SLC45A2: variants seen among roughly 807,000 people sequenced by gnomAD.
SLC45A2 encodes membrane-associated transporter protein.
SLC45A2 carries 36 observed loss-of-function variants against 45.5 expected under a neutral mutation model. The ratio of observed to expected loss-of-function variants is 0.79; its 90% CI spans 0.61 to 1.04. The LOEUF (loss-of-function observed/expected upper bound fraction) is 1.04, where lower values mean the gene tolerates loss of function less well. Ranked by LOEUF, SLC45A2 falls within the 50% of genes least tolerant of loss-of-function variation. SLC45A2 has a pLI of 0.00. For missense variants in SLC45A2, 719 were observed against 671.0 expected (o/e 1.07, Z -0.79); for synonymous variants, 306 against 269.3 (o/e 1.14, Z -1.33).
At chr5:33,971,609 T>G (rs1752778714) in intron 2 of SLC45A2, among the ~76,000 whole-genome samples, 2 of 152,104 alleles carry the variant, frequency 1.3e-5, no homozygotes. Flanking sequence ...CAACTAATTT[T>G]TAATTAGTTA....
intron 2 of SLC45A2, among the ~76,000 whole-genome samples, chr5:33,976,866 A>G (rs1752941683): frequency 6.6e-6 from 1 of 152,224 alleles, no homozygotes; most frequent in African/African-American, 2.4e-5. Context: ...TGCTCCATCC[A>G]CATCCCATCC....
chr5:33,975,518 C>T lies in SLC45A2; in HGVS notation c.562+6718G>A, dbSNP rs532864898. The stretch of plus-strand genomic sequence containing the variant: ...TATATCACTCCAAAATATAATTATC[C>T]TTTAATTATTTACTCATATATGGGA... On this transcript the variant is annotated intron_variant, in intron 2 of 6. Transcript: ENST00000296589. Among the ~76,000 whole-genome samples, 11 of 152,210 alleles carry T rather than the reference C, an allele frequency of 7.2e-5. No individual in the cohort carries two copies. The East Asian group carries it at 9.6e-4, about 13-fold the overall frequency.
intron 6 of SLC45A2, among the ~76,000 whole-genome samples, chr5:33,945,403 A>G (rs1362754404): frequency 6.6e-6 from 1 of 152,242 alleles, no homozygotes; most frequent in Non-Finnish European, 1.5e-5. Context: ...AAGAGAAGCA[A>G]CTTTAAAAAG....
chr5:33,955,676 C>T lies in SLC45A2; in HGVS notation c.889-1172G>A, dbSNP rs75499835. 0.01 allele frequency among the ~76,000 whole-genome samples: 1,569 copies of T among 152,100 alleles called. 107 individuals carry two copies. In the East Asian group the frequency reaches 0.18, roughly 17 times the overall value. On this transcript the variant is annotated intron_variant, in intron 3 of 6. Transcript: ENST00000296589. ...ACACACAAACACACACACACACACA[C>T]GGTCTTCAATATGTTAATGGAAAAT...
chr5:33,950,282 A>T (rs1428027842), intron 5 of SLC45A2, among the ~76,000 whole-genome samples: 1 of 152,196 alleles, frequency 6.6e-6, no homozygotes, highest in Non-Finnish European at 1.5e-5. Flanking sequence ...TGGATAATTT[A>T]CTAGACCCTT....
rs556878599 is a variant in SLC45A2, at chr5:33,980,490, T to G, written c.562+1746A>C. Reference sequence around the variant, plus strand: ...AAATGGGAATCACACCACTTCCACATGGCCATTGTCAGGATCGAGATAATG... The same window carrying G: ...AAATGGGAATCACACCACTTCCACAGGGCCATTGTCAGGATCGAGATAATG... On this transcript the variant is annotated intron_variant, in intron 2 of 6. Coordinates refer to ENST00000296589, the MANE Select transcript of SLC45A2 (RefSeq NM_016180.5). Among the ~76,000 whole-genome samples the G allele has an allele frequency of 5.3e-5, 8 of 152,324 alleles. No individual in the cohort carries two copies. The South Asian group carries it at 1.7e-3, about 32-fold the overall frequency.
At chr5:33,956,427 C>T (rs1459266719) in intron 3 of SLC45A2, among the ~76,000 whole-genome samples, 1 of 148,302 alleles carries the variant, frequency 6.7e-6, no homozygotes, top group Admixed American at 6.8e-5. Flanking sequence ...CAAAAGCAGA[C>T]AGGTCAAGAG....
chr5:33,954,325 T>C, intron 4 of SLC45A2, 36 bp downstream of exon 4: 2 of 1,613,654 alleles, frequency 1.2e-6, no homozygotes, highest in Non-Finnish European at 1.7e-6. Flanking sequence ...GGAAATGATG[T>C]GTAACAGTGA....
chr5:33,947,075 G>T (rs1368758596), intron 6 of SLC45A2, 88 bp downstream of exon 6: 1 of 1,613,126 alleles, frequency 6.2e-7, no homozygotes, highest in Non-Finnish European at 8.5e-7. Context: ...TTATTTTCCA[G>T]CTCTGCTCTA....
rs563830796 is a variant in SLC45A2 at position 33,980,819 on chromosome 5, G to T, written c.562+1417C>A. 1.1e-3 allele frequency among the ~76,000 whole-genome samples: 175 copies of T among 152,326 alleles called. 1 individual carries two copies. The highest frequency in any genetic ancestry group is 3.8e-3 in the African/African-American group (160 of 41,568). On this transcript the variant is annotated intron_variant, in intron 2 of 6. Transcript: ENST00000296589. ...CCAATAAGGATGAGGAGAAAGAGGA[G>T]TGGTCATACTATGCCAGGTACGGTA...
chr5:33,968,827 G>A (rs1752683318), intron 2 of SLC45A2, among the ~76,000 whole-genome samples: 1 of 152,318 alleles, frequency 6.6e-6, no homozygotes, highest in South Asian at 2.1e-4. Context: ...CACAGCTCAA[G>A]TCATGAGAGC....
In SLC45A2 at chr5:33,954,468, C is replaced by T. The variant is rs1282893282; in HGVS notation, c.925G>A (p.Ala309Thr). ...TAGTGAGGAGGCATGTTCACCAGTG[C>T]TCTCAGCAGTGACTTTAATGTCATT... is the stretch of plus-strand genomic sequence containing the variant. The part of the protein sequence containing the change: ...RAMTLKSLLR[A>T]LVNMPPHYRY... Residue 309 changes from alanine (A) to threonine (T), a missense_variant, in exon 4 of 7, where the codon GCA (alanine) becomes ACA (threonine). Transcript: ENST00000296589. 1.9e-6 allele frequency: 3 copies of T among 1,613,948 alleles called. No homozygotes were observed. The highest frequency in any genetic ancestry group is 1.1e-5 in the South Asian group (1 of 91,070).
At chr5:33,951,334 C>T in intron 5 of SLC45A2, 1 of 1,306,430 alleles carries the variant, frequency 7.7e-7, no homozygotes, top group South Asian at 1.5e-5. Context: ...CCACTGATTC[C>T]AAGAGCAAAG....
Position 33,955,919 on chromosome 5 carries a change from T to C in SLC45A2, c.889-1415A>G, listed in dbSNP as rs142182217. ...TTATGGTGAAGCTTCAGTAGAAGAA[T>C]GGTGAAACACTGATTTTTTTTTAAC... On this transcript the variant is annotated intron_variant, in intron 3 of 6. Transcript: ENST00000296589. Among the ~76,000 whole-genome samples, 649 of 152,276 alleles carry C rather than the reference T, an allele frequency of 4.3e-3. 3 individuals are homozygous for C. Among genetic ancestry groups the C allele is most frequent in the African/African-American group, 0.015 (626 of 41,554 alleles).
chr5:33,955,517 C>T (rs1001961098), intron 3 of SLC45A2, among the ~76,000 whole-genome samples: 1 of 152,174 alleles, frequency 6.6e-6, no homozygotes, highest in African/African-American at 2.4e-5. Flanking sequence ...AGTCAGCTCC[C>T]TGTTCTTAGC....
At position 33,944,759 on chromosome 5, in the gene SLC45A2, C is replaced by T; in HGVS notation, c.1482G>A (p.Leu494=). 1 of 1,614,224 alleles carries T rather than the reference C, an allele frequency of 6.2e-7. No individual in the cohort carries two copies. The highest frequency in any genetic ancestry group is 1.3e-5 in the African/African-American group (1 of 75,058). ...QLAQILVGGG[L]GFLVNTAGTV... is the part of the protein sequence containing the mutation. ...TCCCGGCTGTGTTGACCAGAAAGCC[C>T]AGGCCACCTCCGACCAGGATCTGAG... Residue 494 remains leucine (L), a synonymous_variant, in exon 7 of 7, where the codon CTG becomes CTA. Coordinates refer to ENST00000296589, the MANE Select transcript of SLC45A2 (RefSeq NM_016180.5).
At chr5:33,972,317 T>C in intron 2 of SLC45A2, 15 of 400,566 alleles carry the variant, frequency 3.7e-5, no homozygotes, top group South Asian at 3.0e-4. Context: ...ATACACGGGA[T>C]CTTGCTTTGC....
At chr5:33,964,390 C>T (rs1191891495) in intron 2 of SLC45A2, among the ~76,000 whole-genome samples, 1 of 152,190 alleles carries the variant, frequency 6.6e-6, no homozygotes, top group Non-Finnish European at 1.5e-5. Context: ...AAAGTGCATT[C>T]TCTAGACTGC....
At position 33,963,833 on chromosome 5, in the gene SLC45A2, A is replaced by C; in HGVS notation, c.746T>G (p.Ile249Ser). The C allele has an allele frequency of 6.2e-7, 1 of 1,614,180 alleles. No individual in the cohort carries two copies. Among genetic ancestry groups the C allele is most frequent in the East Asian group, 2.2e-5 (1 of 44,884 alleles). ...EAPLTEVAKG[I>S]PPQQTPQDPP... ...GTCCTGAGGGGTTTGCTGTGGGGGA[A>C]TGCCCTTTGCAACCTCTGTAAGTGG... Residue 249 changes from isoleucine (I) to serine (S), a missense_variant, in exon 3 of 7, where the codon ATT becomes AGT. Coordinates refer to ENST00000296589, the MANE Select transcript of SLC45A2 (RefSeq NM_016180.5).
Sources: allele counts gnomAD v4.1 joint callset (sites outside exome capture counted in the v4.1 genomes callset), GRCh38; gene constraint gnomAD v4.1.1; transcripts MANE v1.5; gene names NCBI Gene and HGNC (gene_info 2026-07-23, HGNC 2026-07-21).